Variants in MACROD1 observed in about 807,000 individuals in gnomAD.
MACROD1 encodes the protein mono-ADP ribosylhydrolase 1.
A neutral mutation model predicts 41.4 loss-of-function variants in MACROD1; 31 were observed. The ratio of observed to expected loss-of-function variants is 0.75; its 90% confidence interval spans 0.56 to 1.01. The LOEUF (loss-of-function observed/expected upper bound fraction) is 1.01, where lower values mean the gene tolerates loss of function less well. Ranked by LOEUF, MACROD1 falls within the 50% of genes least tolerant of loss-of-function variation. MACROD1 has a pLI of 0.00. For synonymous variants in MACROD1, 252 were observed against 203.4 expected (o/e 1.24, Z -2.03); for missense variants, 473 against 460.0 (o/e 1.03, Z -0.26).
intron 3 of MACROD1, among the ~76,000 whole-genome samples, chr11:64,131,092 G>A (rs950545918): frequency 3.3e-5 from 5 of 152,194 alleles, no homozygotes; most frequent in African/African-American, 1.2e-4. Context: ...TTATTCTTGT[G>A]ATGCAGGCGA....
At chr11:64,097,749 G>A (rs1372884522) in intron 3 of MACROD1, among the ~76,000 whole-genome samples, 2 of 152,174 alleles carry the variant, frequency 1.3e-5, no homozygotes, top group Non-Finnish European at 2.9e-5. Context: ...GAGCGAGTGG[G>A]CAGGGAATGG....
At chr11:64,048,150 G>A (rs1485163090) in intron 3 of MACROD1, among the ~76,000 whole-genome samples, 2 of 152,196 alleles carry the variant, frequency 1.3e-5, no homozygotes, top group African/African-American at 2.4e-5. Context: ...CTGCCCCCAC[G>A]ACAGCTGCCT....
chr11:64,001,655 TA>T (rs1417950347), intron 4 of MACROD1: 2 of 701,264 alleles, frequency 2.9e-6, no homozygotes, highest in Admixed American at 4.0e-5. Context: ...GCAGAGAGGT[TA>T]GGGGAACGCT....
intron 3 of MACROD1, among the ~76,000 whole-genome samples, chr11:64,054,136 T>C (rs1459006013): frequency 6.6e-6 from 1 of 152,136 alleles, no homozygotes; most frequent in African/African-American, 2.4e-5. Context: ...GGCAGGAGCC[T>C]GGAGCCCCAC....
chr11:64,019,040 G>A (rs921992182), intron 3 of MACROD1, among the ~76,000 whole-genome samples: 1 of 152,118 alleles, frequency 6.6e-6, no homozygotes, highest in Non-Finnish European at 1.5e-5. Context: ...TGGGGGACCC[G>A]AGCCTGGACC....
At chr11:64,118,514 T>C (rs1945038985) in intron 3 of MACROD1, 1 of 488,168 alleles carries the variant, frequency 2.0e-6, no homozygotes, top group East Asian at 3.1e-5. Flanking sequence ...TTCGACATTG[T>C]TGAAGACATA....
Position 64,151,284 on chromosome 11 carries a change from G to A in MACROD1, c.472C>T (p.Arg158Cys), listed in dbSNP as rs143192829. The change falls in exon 3 of 11, where the codon CGC becomes TGC. Residue 158 changes from arginine to cysteine, a missense_variant. Coordinates refer to ENST00000255681, the MANE Select transcript of MACROD1 (RefSeq NM_014067.4). ...ACCTCCAGCTTGGTGATGTCGCTGC[G>A]GAGCAGGGAGATTTTCTCATTGAGC... ...KQLNEKISLL[R>C]SDITKLEVDA... The A allele has an allele frequency of 9.0e-5, 145 of 1,613,828 alleles. No individual in the cohort carries two copies. Among genetic ancestry groups the A allele is most frequent in the African/African-American group, 3.1e-4 (23 of 74,934 alleles).
intron 1 of MACROD1, among the ~76,000 whole-genome samples, chr11:64,160,605 G>A (rs1945739041): frequency 6.6e-6 from 1 of 152,080 alleles, no homozygotes; most frequent in African/African-American, 2.4e-5. Context: ...GAGCCCAGGA[G>A]TTCGAGACCA....
At chr11:64,108,030 T>C (rs1330041404) in intron 3 of MACROD1, among the ~76,000 whole-genome samples, 1 of 152,120 alleles carries the variant, frequency 6.6e-6, no homozygotes, top group Admixed American at 6.6e-5. Flanking sequence ...GTAGATCGTT[T>C]ATGGTCAGAT....
At position 64,123,527 on chromosome 11, in the gene MACROD1, G is replaced by A. The variant is rs895848762; in HGVS notation, c.517+27712C>T. 5.1e-4 allele frequency among the ~76,000 whole-genome samples: 71 copies of A among 138,002 alleles called. 1 individual carries two copies. Among genetic ancestry groups the A allele is most frequent in the African/African-American group, 1.7e-3 (63 of 37,930 alleles). The allele number at this position is 138,002 out of a possible 152,430, so 90.5% of individuals were successfully genotyped here. Reference sequence around the variant, plus strand: ...GCATAGCAGGGACTTTCTGGGCCTCGATGGGTGGGGTGGGGGGGTTGGGGG... The same window carrying A: ...GCATAGCAGGGACTTTCTGGGCCTCAATGGGTGGGGTGGGGGGGTTGGGGG... On this transcript the variant is annotated intron_variant, in intron 3 of 10. Coordinates refer to ENST00000255681, the MANE Select transcript of MACROD1 (RefSeq NM_014067.4).
At chr11:64,100,182 G>A (rs989923954) in intron 3 of MACROD1, among the ~76,000 whole-genome samples, 5 of 152,208 alleles carry the variant, frequency 3.3e-5, no homozygotes, top group Non-Finnish European at 5.9e-5. Flanking sequence ...TGGCAAGGCA[G>A]AAATTACTGG....
chr11:64,078,917 A>G (rs1390121154), intron 3 of MACROD1, among the ~76,000 whole-genome samples: 5 of 152,186 alleles, frequency 3.3e-5, no homozygotes, highest in Non-Finnish European at 5.9e-5. Context: ...GTTCCAGGAC[A>G]TATCTTTATG....
chr11:64,086,106 G>A (rs1202618923), intron 3 of MACROD1, among the ~76,000 whole-genome samples: 1 of 152,188 alleles, frequency 6.6e-6, no homozygotes, highest in African/African-American at 2.4e-5. Flanking sequence ...GCCAGGCCAT[G>A]AGCACTCAGC....
intron 4 of MACROD1, among the ~76,000 whole-genome samples, chr11:64,011,583 G>A (rs553100689): frequency 8.3e-4 from 126 of 152,042 alleles, no homozygotes; most frequent in African/African-American, 3.0e-3. Flanking sequence ...CCCTGCCCTC[G>A]GGGGAGTCCA....
chr11:64,030,004 C>T lies in MACROD1; in HGVS notation c.518-14723G>A, dbSNP rs534756882. On this transcript the variant is annotated intron_variant, in intron 3 of 10. Coordinates refer to ENST00000255681, the MANE Select transcript of MACROD1 (RefSeq NM_014067.4). The stretch of plus-strand genomic sequence containing the variant: ...TGAGAGAAGCCTGGCCACCAACCGC[C>T]TCAGTCCTGCTGGGGCTGGGGGCTG... Among the ~76,000 whole-genome samples the T allele has an allele frequency of 7.2e-5, 11 of 152,230 alleles. No homozygotes were observed. The South Asian group carries it at 2.3e-3, about 32-fold the overall frequency.
At chr11:64,051,114 G>A (rs1943685853) in intron 3 of MACROD1, among the ~76,000 whole-genome samples, 1 of 152,222 alleles carries the variant, frequency 6.6e-6, no homozygotes, top group Non-Finnish European at 1.5e-5. Flanking sequence ...GCCTGTGGGT[G>A]CAGCCCCCAA....
intron 3 of MACROD1, among the ~76,000 whole-genome samples, chr11:64,023,449 T>C (rs1000648171): frequency 6.6e-6 from 1 of 152,082 alleles, no homozygotes; most frequent in African/African-American, 2.4e-5. Context: ...CCGTAAAACC[T>C]ACAGCCTCAC....
chr11:64,023,748 C>T (rs533263193), intron 3 of MACROD1, among the ~76,000 whole-genome samples: 1 of 152,284 alleles, frequency 6.6e-6, no homozygotes, highest in African/African-American at 2.4e-5. Context: ...CTCCTTCACT[C>T]CCACACACCT....
rs1942789094 is a variant in MACROD1 at position 63,999,855 on chromosome 11, A to C, written c.665-92T>G. The C allele has an allele frequency of 2.2e-6, 3 of 1,380,666 alleles. No homozygotes were observed. In the Admixed American group the frequency reaches 6.4e-5, roughly 30 times the overall value. 85.5% of individuals were successfully genotyped at this position (1,380,666 alleles called of 1,614,324 possible). On this transcript the variant is annotated intron_variant, in intron 5 of 10. Coordinates refer to ENST00000255681, the MANE Select transcript of MACROD1 (RefSeq NM_014067.4). ...GCCGGCCTGGGCAGAAGGGGGCAGG[A>C]AACACCTTTCCCCCCAAGCGCTGAG...
Sources: allele counts gnomAD v4.1 joint callset (sites outside exome capture counted in the v4.1 genomes callset), GRCh38; gene constraint gnomAD v4.1.1; transcripts MANE v1.5; gene names NCBI Gene and HGNC (gene_info 2026-07-23, HGNC 2026-07-21).